DNAI1: variants seen among roughly 807,000 people sequenced by gnomAD.
The protein encoded by DNAI1 is dynein, axonemal, intermediate polypeptide 1.
DNAI1 carries 67 observed loss-of-function variants against 92.0 expected under a neutral mutation model. That is an observed-to-expected ratio of 0.73 (90% CI 0.60 to 0.89). DNAI1 has a LOEUF of 0.89. DNAI1 is among the 40% of genes least tolerant of loss of function. The pLI, the probability that DNAI1 is intolerant of heterozygous loss-of-function variation, is 0.00. For synonymous variants in DNAI1, 323 were observed against 319.6 expected, an observed-to-expected ratio of 1.01 and a Z score of -0.11; for missense variants, 839 against 866.6, an observed-to-expected ratio of 0.97 and a Z score of 0.40.
At chr9:34,472,434 A>C (rs947838775) in intron 1 of DNAI1, among the ~76,000 whole-genome samples, 2 of 152,018 alleles carry the variant, frequency 1.3e-5, no homozygotes, top group African/African-American at 4.8e-5. Flanking sequence ...GGTCCTATAT[A>C]ATTGGCTTCT....
chr9:34,479,639 C>G (rs970174747), intron 1 of DNAI1, among the ~76,000 whole-genome samples: 1 of 152,176 alleles, frequency 6.6e-6, no homozygotes, highest in Non-Finnish European at 1.5e-5. Flanking sequence ...GATTGGCCCT[C>G]CTGTGCTCTA....
intron 13 of DNAI1, among the ~76,000 whole-genome samples, chr9:34,508,532 C>A (rs2132078320): frequency 6.6e-6 from 1 of 152,270 alleles, no homozygotes; most frequent in African/African-American, 2.4e-5. Context: ...AACTTTAAAA[C>A]TCAGGGAGAG....
At chr9:34,519,655 G>A (rs1825230206) in intron 19 of DNAI1, among the ~76,000 whole-genome samples, 1 of 152,180 alleles carries the variant, frequency 6.6e-6, no homozygotes. Flanking sequence ...CATGGTGACA[G>A]CAGCCAAAAA....
At chr9:34,486,657 A>T (rs968686451) in intron 4 of DNAI1, among the ~76,000 whole-genome samples, 55 of 152,260 alleles carry the variant, frequency 3.6e-4, no homozygotes, top group African/African-American at 1.2e-3. Flanking sequence ...CAATTCACCC[A>T]CTTAAAGTGT....
At chr9:34,466,792 T>TA (rs1328007887) in intron 1 of DNAI1, among the ~76,000 whole-genome samples, 5 of 152,218 alleles carry the variant, frequency 3.3e-5, no homozygotes, top group Admixed American at 1.3e-4. Flanking sequence ...GTTTCATTCT[T>TA]ATTCTTATTT....
At chr9:34,473,273 C>CTTCTTA (rs1824174455) in intron 1 of DNAI1, among the ~76,000 whole-genome samples, 1 of 146,084 alleles carries the variant, frequency 6.8e-6, no homozygotes, top group Non-Finnish European at 1.5e-5. Context: ...CTAAATCAAG[C>CTTCTTA]TTATTATTAT....
intron 1 of DNAI1, among the ~76,000 whole-genome samples, chr9:34,473,117 G>A (rs1359678202): frequency 2.0e-5 from 3 of 151,838 alleles, no homozygotes; most frequent in Non-Finnish European, 4.4e-5. Flanking sequence ...TTGACAATAT[G>A]CCTTGGAGAG....
intron 13 of DNAI1, among the ~76,000 whole-genome samples, chr9:34,511,653 T>C (rs775243847): frequency 2.0e-5 from 3 of 152,240 alleles, no homozygotes; most frequent in Non-Finnish European, 4.4e-5. Context: ...TCACATATAG[T>C]ATCTCATTTA....
At chr9:34,497,071 T>C (rs2132068867) in intron 9 of DNAI1, 44 bp from the exon 10 acceptor site, 1 of 1,478,812 alleles carries the variant, frequency 6.8e-7, no homozygotes. Context: ...ATGACCTTGC[T>C]AAGTGCTGGT....
In DNAI1 at chr9:34,514,503, G is replaced by T. The variant is rs1433306789; in HGVS notation, c.1679G>T (p.Ser560Ile). 1.2e-6 allele frequency: 2 copies of T among 1,614,220 alleles called. No individual in the cohort carries two copies. Among genetic ancestry groups the T allele is most frequent in the South Asian group, 2.2e-5 (2 of 91,088 alleles). The part of the protein sequence containing the change: ...PYHTKVFMSC[S>I]SDWTVKIWDH... ...CACACCAAGGTCTTCATGTCCTGCAGCTCCGACTGGACAGTGAAGATCTGG... is the reference window on the plus strand; with the variant it reads ...CACACCAAGGTCTTCATGTCCTGCATCTCCGACTGGACAGTGAAGATCTGG... The change falls in exon 17 of 20, where the codon AGC becomes ATC. Residue 560 changes from serine (S) to isoleucine (I), a missense_variant. By Grantham distance (142) the Ser-to-Ile change is moderately radical (BLOSUM62 -2). Coordinates refer to ENST00000242317, the MANE Select transcript of DNAI1 (RefSeq NM_012144.4).
chr9:34,462,993 T>G (rs1033164816), intron 1 of DNAI1, among the ~76,000 whole-genome samples: 2 of 152,160 alleles, frequency 1.3e-5, no homozygotes, highest in African/African-American at 4.8e-5. Flanking sequence ...GTATATTAGA[T>G]GGTGATAGAT....
At chr9:34,514,590 G>T in intron 17 of DNAI1, 48 bp downstream of exon 17, 1 of 1,614,234 alleles carries the variant, frequency 6.2e-7, no homozygotes, top group Non-Finnish European at 8.5e-7. Context: ...CCTGGGCTAT[G>T]GCACTGTGAG....
intron 1 of DNAI1, among the ~76,000 whole-genome samples, chr9:34,480,613 G>C (rs1270523892): frequency 6.6e-6 from 1 of 152,114 alleles, no homozygotes; most frequent in Non-Finnish European, 1.5e-5. Context: ...TCTCCACCTA[G>C]ACAATGCATA....
Position 34,490,372 on chromosome 9 carries a change from G to A in DNAI1, c.505G>A (p.Ala169Thr). 6.2e-7 allele frequency: 1 copy of A among 1,614,136 alleles called. No individual in the cohort carries two copies. Among genetic ancestry groups the A allele is most frequent in the Non-Finnish European group, 8.5e-7 (1 of 1,180,026 alleles). ...SQTDVPAAGA[A>T]EKVTEEELMT... is the part of the protein sequence containing the mutation. Reference sequence around the variant, plus strand: ...TCCTCTGGGTCTTTATTTTCAGGCAGCTGAAAAAGTGACTGAAGAAGAATT... The same window carrying A: ...TCCTCTGGGTCTTTATTTTCAGGCAACTGAAAAAGTGACTGAAGAAGAATT... Residue 169 changes from alanine to threonine, a missense_variant, in exon 7 of 20, where the codon GCT (alanine) becomes ACT (threonine). Transcript: ENST00000242317.
intron 16 of DNAI1, among the ~76,000 whole-genome samples, chr9:34,514,076 ACCTGCTCTGC>A (rs1416608702): frequency 6.6e-6 from 1 of 152,108 alleles, no homozygotes; most frequent in Admixed American, 6.5e-5. Context: ...AGGGCCTGAG[ACCTGCTCTGC>A]CCTCTCTTAA....
chr9:34,520,192 GT>G lies in DNAI1; in HGVS notation c.2002-465del, dbSNP rs565567743. ...TGAAGGCATCAGGTGAGAGGACTAG[GT>G]GAGGTCCGGGCCCCTGAGGCTCTGT... On this transcript the variant is annotated intron_variant, in intron 19 of 19. Transcript: ENST00000242317. Among the ~76,000 whole-genome samples the G allele has an allele frequency of 1.3e-4, 20 of 152,292 alleles. 1 individual carries two copies. The East Asian group carries it at 3.9e-3, about 29-fold the overall frequency.
chr9:34,480,272 C>CTTTTTTTTTT (rs202115133), intron 1 of DNAI1, among the ~76,000 whole-genome samples: 4 of 99,432 alleles, frequency 4.0e-5, no homozygotes, highest in African/African-American at 7.9e-5. Context: ...TTTGGTGGAA[C>CTTTTTTTTTT]TTTTTTTTTT....
intron 1 of DNAI1, among the ~76,000 whole-genome samples, chr9:34,475,315 T>G (rs1431338593): frequency 6.6e-6 from 1 of 152,238 alleles, no homozygotes. Context: ...CGAAGTCTCC[T>G]GGGCCCCAGG....
chr9:34,519,373 G>C (rs909626365), intron 19 of DNAI1, among the ~76,000 whole-genome samples: 2 of 152,140 alleles, frequency 1.3e-5, no homozygotes, highest in African/African-American at 2.4e-5. Context: ...AAAGGCAAAG[G>C]CCTTGCCCAA....
Sources: allele counts gnomAD v4.1 joint callset (sites outside exome capture counted in the v4.1 genomes callset), GRCh38; gene constraint gnomAD v4.1.1; transcripts MANE v1.5; gene names NCBI Gene and HGNC (gene_info 2026-07-23, HGNC 2026-07-21).